Variants in XRCC4 observed in about 807,000 individuals in gnomAD.
XRCC4 encodes X-ray repair cross complementing 4, also known as DNA repair protein XRCC4.
Under a neutral mutation model 39.1 loss-of-function variants are expected in XRCC4, and 28 were observed. The ratio of observed to expected loss-of-function variants is 0.72; its 90% CI spans 0.53 to 0.98. XRCC4 has a LOEUF of 0.98. XRCC4 is among the 50% of genes least tolerant of loss of function. XRCC4 has a pLI of 0.00. For synonymous variants in XRCC4, 123 were observed against 126.4 expected, an observed-to-expected ratio of 0.97 and a Z score of 0.18; for missense variants, 350 against 376.4, an observed-to-expected ratio of 0.93 and a Z score of 0.58.
intron 7 of XRCC4, among the ~76,000 whole-genome samples, chr5:83,326,976 A>C (rs182534295): frequency 4.6e-5 from 7 of 152,104 alleles, no homozygotes; most frequent in Non-Finnish European, 7.4e-5. Context: ...TTAATCAGAG[A>C]TAAAAGCTCA....
At chr5:83,190,256 T>C (rs938911170) in intron 3 of XRCC4, among the ~76,000 whole-genome samples, 1 of 152,114 alleles carries the variant, frequency 6.6e-6, no homozygotes, top group Admixed American at 6.5e-5. Flanking sequence ...CTTGATCAAT[T>C]TCCTGTATTA....
chr5:83,283,012 A>G (rs996872418), intron 7 of XRCC4, among the ~76,000 whole-genome samples: 2 of 148,870 alleles, frequency 1.3e-5, no homozygotes, highest in African/African-American at 2.5e-5. Flanking sequence ...TGTTTTCCAT[A>G]TTGTCTACAG....
chr5:83,354,471 A>G (rs533516612), downstream of XRCC4, among the ~76,000 whole-genome samples: 1 of 152,342 alleles, frequency 6.6e-6, no homozygotes, highest in Non-Finnish European at 1.5e-5. Context: ...ATATGTACAT[A>G]CATATACATG....
At chr5:83,141,671 C>T (rs1290472320) in intron 3 of XRCC4, among the ~76,000 whole-genome samples, 5 of 151,254 alleles carry the variant, frequency 3.3e-5, no homozygotes, top group African/African-American at 4.9e-5. Context: ...ATCCTTTGTC[C>T]TTCAAATTTG....
chr5:83,309,332 G>T (rs1444214786), intron 7 of XRCC4, among the ~76,000 whole-genome samples: 4 of 121,790 alleles, frequency 3.3e-5, no homozygotes, highest in Non-Finnish European at 6.5e-5. Context: ...GGCTATGCTG[G>T]CAATCACATT....
intron 3 of XRCC4, among the ~76,000 whole-genome samples, chr5:83,125,743 C>CACTTTGAG (rs60836952): frequency 0.49 from 74,144 of 151,600 alleles, 19,028 homozygotes; most frequent in African/African-American, 0.63. Context: ...GTAATTCCAA[C>CACTTTGAG]AGGCCGAGGC....
At chr5:83,228,498 A>G (rs1207279188) in intron 6 of XRCC4, among the ~76,000 whole-genome samples, 6 of 152,052 alleles carry the variant, frequency 3.9e-5, no homozygotes, top group Admixed American at 6.6e-5. Context: ...TACTATTATA[A>G]GTTCAGTACT....
chr5:83,226,764 T>C (rs1289746512), intron 6 of XRCC4, among the ~76,000 whole-genome samples: 2 of 152,130 alleles, frequency 1.3e-5, no homozygotes, highest in African/African-American at 4.8e-5. Flanking sequence ...AGTCTTTCAG[T>C]TGGTCTCTGA....
chr5:83,186,347 G>A (rs1750438342), intron 3 of XRCC4, among the ~76,000 whole-genome samples: 1 of 152,110 alleles, frequency 6.6e-6, no homozygotes. Context: ...TTTTGTTAAA[G>A]GTGAAACAAA....
intron 7 of XRCC4, among the ~76,000 whole-genome samples, chr5:83,316,442 T>C (rs1401163831): frequency 6.6e-6 from 1 of 151,264 alleles, no homozygotes; most frequent in Non-Finnish European, 1.5e-5. Context: ...ATCAGTGTGC[T>C]GTATTCAGGA....
At position 83,249,990 on chromosome 5, in the gene XRCC4, G is replaced by T. The variant is rs569500207; in HGVS notation, c.746-8540G>T. Among the ~76,000 whole-genome samples, 5 of 152,130 alleles carry T rather than the reference G, an allele frequency of 3.3e-5. No homozygotes were observed. In the South Asian group the frequency reaches 6.2e-4, roughly 19 times the overall value. On this transcript the variant is annotated intron_variant, in intron 6 of 7. Transcript: ENST00000396027. ...TAAGCTTTGTAAAAAGTCTAGATTT[G>T]ATTAACAGTTGAGTAAAATAAAAAG...
downstream of XRCC4, among the ~76,000 whole-genome samples, chr5:83,357,821 C>T (rs542377864): frequency 2.0e-5 from 3 of 152,242 alleles, no homozygotes; most frequent in East Asian, 1.9e-4. Flanking sequence ...AGAGCTGCCC[C>T]GGAGAAGCAA....
At chr5:83,146,954 AAG>A (rs1748483903) in intron 3 of XRCC4, among the ~76,000 whole-genome samples, 1 of 152,196 alleles carries the variant, frequency 6.6e-6, no homozygotes, top group Non-Finnish European at 1.5e-5. Flanking sequence ...TATTTGCTGG[AAG>A]AGAGAATATT....
intron 3 of XRCC4, among the ~76,000 whole-genome samples, chr5:83,176,186 C>T (rs1749948775): frequency 6.6e-6 from 1 of 152,190 alleles, no homozygotes; most frequent in African/African-American, 2.4e-5. Context: ...ATGGTTGTTA[C>T]TTAGACATAA....
At chr5:83,216,892 C>T (rs1423857019) in intron 6 of XRCC4, among the ~76,000 whole-genome samples, 1 of 151,942 alleles carries the variant, frequency 6.6e-6, no homozygotes, top group East Asian at 1.9e-4. Context: ...TTGAGGTGAT[C>T]GTTGTACAAG....
intron 7 of XRCC4, among the ~76,000 whole-genome samples, chr5:83,262,199 C>T (rs1475055809): frequency 7.9e-5 from 12 of 152,132 alleles, no homozygotes; most frequent in African/African-American, 1.2e-4. Context: ...AACCAAGGCT[C>T]ATAAAGATAT....
chr5:83,145,153 C>T (rs1006594867), intron 3 of XRCC4, among the ~76,000 whole-genome samples: 2 of 152,308 alleles, frequency 1.3e-5, no homozygotes, highest in Non-Finnish European at 2.9e-5. Context: ...CCTCGGCCTC[C>T]CACAGTGCTG....
chr5:83,297,293 G>A (rs562310095), intron 7 of XRCC4, among the ~76,000 whole-genome samples: 1 of 152,024 alleles, frequency 6.6e-6, no homozygotes, highest in African/African-American at 2.4e-5. Flanking sequence ...TTGAGTGTTT[G>A]TGCTACACAG....
At chr5:83,290,890 G>C (rs1754901210) in intron 7 of XRCC4, among the ~76,000 whole-genome samples, 1 of 151,772 alleles carries the variant, frequency 6.6e-6, no homozygotes, top group Admixed American at 6.6e-5. Context: ...TTTATTGCAG[G>C]GGAAATGTAG....
Sources: gnomAD v4.1 joint callset for allele counts (sites outside exome capture counted in the v4.1 genomes callset) on GRCh38, gnomAD v4.1.1 for gene constraint, MANE v1.5 for transcripts, NCBI Gene and HGNC (gene_info 2026-07-23, HGNC 2026-07-21) for gene names.